KMT2D: variants seen among roughly 807,000 people sequenced by gnomAD.
KMT2D encodes the protein histone-lysine N-methyltransferase 2D.
Under a neutral mutation model 512.7 loss-of-function variants are expected in KMT2D, and 55 were observed. The observed-to-expected ratio is 0.11, with a 90% CI of 0.09 to 0.13. The LOEUF is 0.13. Among genes scored for constraint, KMT2D ranks in the 10% least tolerant of loss-of-function variants. The pLI is 1.00. For synonymous variants in KMT2D, 2,995 were observed against 2,904.0 expected (o/e 1.03, Z -1.01); for missense variants, 6,061 against 7,127.9 (o/e 0.85, Z 5.39).
chr12:49,029,805 C>T (rs887215041), intron 43 of KMT2D, among the ~76,000 whole-genome samples: 1 of 151,934 alleles, frequency 6.6e-6, no homozygotes, highest in African/African-American at 2.4e-5. Flanking sequence ...CATAAGCTAC[C>T]AGGCCTGGTG....
rs1298648758 is a variant in KMT2D, at chr12:49,037,353, G to A, written c.10003C>T (p.Pro3335Ser). 1 of 1,611,548 alleles carries A rather than the reference G, an allele frequency of 6.2e-7. No homozygotes were observed. ...AGGCGTTGCTGGAGGGCATGAGCTG[G>A]TGGCTGGGTGGGCATCAGTGGCTGG... ...LPQPLMPTQP[P>S]AHALQQRLAP... The change falls in exon 35 of 55, where the codon CCA becomes TCA. Residue 3335 changes from proline (P) to serine (S), a missense_variant. Pro to Ser is a moderately conservative substitution (Grantham distance 74). Around this residue, in one of 16 missense-constraint regions of KMT2D, gnomAD observed 533 missense variants for 539.6 expected, o/e 0.99. Transcript: ENST00000301067.
Position 49,050,213 on chromosome 12 carries a change from C to T in KMT2D, c.3375G>A (p.Leu1125=), listed in dbSNP as rs2120647235. The T allele has an allele frequency of 6.2e-7, 1 of 1,613,776 alleles. No individual in the cohort carries two copies. The highest frequency in any genetic ancestry group is 8.5e-7 in the Non-Finnish European group (1 of 1,179,840). Residue 1125 remains leucine, a synonymous_variant, in exon 12 of 55, where the codon CTG becomes CTA. Coordinates refer to ENST00000301067, the MANE Select transcript of KMT2D (RefSeq NM_003482.4). The part of the protein sequence containing the change: ...FSGLGEDTAP[L]DGIDAPGSQP... Reference sequence around the variant, plus strand: ...GTGAACCCGGAGCATCAATCCCATCCAGAGGGGCTGTGTCTTCCCCTAGGC... The same window carrying T: ...GTGAACCCGGAGCATCAATCCCATCTAGAGGGGCTGTGTCTTCCCCTAGGC...
intron 37 of KMT2D, 41 bp from the exon 38 acceptor site, chr12:49,034,517 T>C: frequency 6.2e-7 from 1 of 1,612,512 alleles, no homozygotes. Flanking sequence ...TGTTCCCTGC[T>C]AGGCCCTAAG....
rs2120580805 is a variant in KMT2D, at chr12:49,044,280, T to A, written c.5108A>T (p.Gln1703Leu). ...TTTCGTGCGTGTGTGGGATTTCCGC[T>A]GTCGCACCATGAAACCACCAATGCC... ...RPGIGGFMVR[Q>L]RKSHTRTKKG... The change falls in exon 22 of 55, where the codon CAG (glutamine) becomes CTG (leucine). Residue 1703 changes from glutamine to leucine, a missense_variant. Physicochemically the swap from Gln to Leu is moderately radical, Grantham distance 113. This residue lies in a region of KMT2D where 640 missense variants were observed against 814.3 expected (regional missense o/e 0.79). Transcript: ENST00000301067. This position sits in a 1 kb window ranked among gnomAD's most constrained non-coding sequence, Gnocchi z 6.4. 1 of 1,613,734 alleles carries A rather than the reference T, an allele frequency of 6.2e-7. No homozygotes were observed. Among genetic ancestry groups the A allele is most frequent in the Non-Finnish European group, 8.5e-7 (1 of 1,179,886 alleles).
rs535351117 is a variant in KMT2D at position 49,034,450 on chromosome 12, C to A, written c.10467G>T (p.Gln3489His). The change falls in exon 38 of 55, where the codon CAG becomes CAT. Residue 3489 changes from glutamine to histidine, a missense_variant. By Grantham distance (24) the Gln-to-His change is conservative (BLOSUM62 0). Coordinates refer to ENST00000301067, the MANE Select transcript of KMT2D (RefSeq NM_003482.4). ...GQERSAGDPS[Q>H]PRPNPPTFAQ... ...CAAAAGTGGGCGGGTTGGGACGAGGCTGGGAGGGATCACCAGCACTCCGCT... is the reference window on the plus strand; with the variant it reads ...CAAAAGTGGGCGGGTTGGGACGAGGATGGGAGGGATCACCAGCACTCCGCT... The A allele has an allele frequency of 3.6e-5, 58 of 1,613,832 alleles. No individual in the cohort carries two copies. The South Asian group carries it at 4.6e-4, about 13-fold the overall frequency.
At chr12:49,049,540 G>T in intron 12 of KMT2D, 142 bp downstream of exon 12, 1 of 931,396 alleles carries the variant, frequency 1.1e-6, no homozygotes, top group Non-Finnish European at 1.5e-6. Flanking sequence ...CTACGTATTA[G>T]TATTTTCTCC....
chr12:49,031,514 C>T lies in KMT2D; in HGVS notation c.13191G>A (p.Gly4397=). Residue 4397 remains glycine (G), a synonymous_variant, in exon 40 of 55, where the codon GGG becomes GGA. Coordinates refer to ENST00000301067, the MANE Select transcript of KMT2D (RefSeq NM_003482.4). ...QKPEQSSLVP[G]HLDQVNGQVV... Reference sequence around the variant, plus strand: ...CCTGTCCATTCACCTGGTCCAGATGCCCAGGTACCAGGCTGCTCTGCTCTG... The same window carrying T: ...CCTGTCCATTCACCTGGTCCAGATGTCCAGGTACCAGGCTGCTCTGCTCTG... The T allele has an allele frequency of 6.2e-7, 1 of 1,611,242 alleles. No individual in the cohort carries two copies.
chr12:49,042,698 A>T lies in KMT2D; in HGVS notation c.5782+43T>A, dbSNP rs2120558974. On this transcript the variant is annotated intron_variant, in intron 27 of 54. Transcript: ENST00000301067. The surrounding 1 kb of genome is among the most constrained non-coding windows in gnomAD (Gnocchi z 4.4). ...GAGCAACTGGCCCATCCTGGAGGCAAGCTTGGTTATGTCAGTCTTCAGACC... is the reference window on the plus strand; with the variant it reads ...GAGCAACTGGCCCATCCTGGAGGCATGCTTGGTTATGTCAGTCTTCAGACC... 6.2e-7 allele frequency: 1 copy of T among 1,609,106 alleles called. No individual in the cohort carries two copies.
At position 49,033,823 on chromosome 12, in the gene KMT2D, G is replaced by A. The variant is rs773395827; in HGVS notation, c.10882C>T (p.Leu3628Phe). Residue 3628 changes from leucine to phenylalanine, a missense_variant, in exon 40 of 55, where the codon CTC becomes TTC. Coordinates refer to ENST00000301067, the MANE Select transcript of KMT2D (RefSeq NM_003482.4). ...ALSPSQSPRL[L>F]TKLPGQLLPG... ...AGCAGCTGACCAGGGAGCTTGGTGA[G>A]CAGCCGGGGACTCTGGGAAGGGCTG... 6.3e-7 allele frequency: 1 copy of A among 1,583,802 alleles called. No individual in the cohort carries two copies. The highest frequency in any genetic ancestry group is 8.6e-7 in the Non-Finnish European group (1 of 1,165,470).
rs770863450 is a variant in KMT2D, at chr12:49,050,117, G to C, written c.3471C>G (p.Pro1157=). 3.7e-6 allele frequency: 6 copies of C among 1,613,280 alleles called. No homozygotes were observed. Among genetic ancestry groups the C allele is most frequent in the Admixed American group, 1.7e-5 (1 of 59,996 alleles). The change falls in exon 12 of 55, where the codon CCC becomes CCG. Residue 1157 remains proline, a synonymous_variant. Coordinates refer to ENST00000301067, the MANE Select transcript of KMT2D (RefSeq NM_003482.4). ...TAGGGGTCACAGGGGCCAGCTCCTC[G>C]GGGTCCAGGAGCACAGGGGAGCCTT... ...ELKGSPVLLD[P]EELAPVTPME...
chr12:49,059,051 C>T (rs1938582390), intron 1 of KMT2D, among the ~76,000 whole-genome samples: 4 of 152,200 alleles, frequency 2.6e-5, no homozygotes, highest in Admixed American at 2.6e-4. Context: ...CCCCCTTCAT[C>T]ACAACTAGTC....
chr12:49,037,627 G>A lies in KMT2D; in HGVS notation c.9729C>T (p.Ser3243=), dbSNP rs369959158. 1,221 of 1,565,194 alleles carry A rather than the reference G, an allele frequency of 7.8e-4. 1 individual carries two copies. The highest frequency in any genetic ancestry group is 1.0e-3 in the Non-Finnish European group (1,190 of 1,154,696). Residue 3243 remains serine, a synonymous_variant, in exon 35 of 55, where the codon AGC becomes AGT. Coordinates refer to ENST00000301067, the MANE Select transcript of KMT2D (RefSeq NM_003482.4). ...GGTCCTCAATGAGCAGGGGTAACTC[G>A]CTGGCTACCAGTGAGCTCTCCATCT... ...LDKMESSLVA[S]ELPLLIEDLL... is the part of the protein sequence containing the mutation.
Position 49,050,350 on chromosome 12 carries a change from C to T in KMT2D, c.3238G>A (p.Glu1080Lys), listed in dbSNP as rs762541995. 3 of 1,611,670 alleles carry T rather than the reference C, an allele frequency of 1.9e-6. No individual in the cohort carries two copies. The highest frequency in any genetic ancestry group is 2.5e-6 in the Non-Finnish European group (3 of 1,178,830). The part of the protein sequence containing the change: ...LHEMETEKVS[E>K]PECPALEPSA... ...GGTTCCAAGGCTGGGCATTCAGGTT[C>T]TGAAACTTTCTCAGTCTCCATCTCG... The change falls in exon 12 of 55, where the codon GAA becomes AAA. Residue 1080 changes from glutamate to lysine, a missense_variant. Coordinates refer to ENST00000301067, the MANE Select transcript of KMT2D (RefSeq NM_003482.4).
In KMT2D at chr12:49,039,122, C is replaced by G; in HGVS notation, c.8366+100G>C. The G allele has an allele frequency of 1.9e-6, 3 of 1,547,654 alleles. No individual in the cohort carries two copies. The highest frequency in any genetic ancestry group is 2.7e-6 in the Non-Finnish European group (3 of 1,126,478). On this transcript the variant is annotated intron_variant, in intron 34 of 54. Transcript: ENST00000301067. The surrounding 1 kb of genome is among the most constrained non-coding windows in gnomAD (Gnocchi z 5.0). ...GAATGAGGAAGAAGAGAAAGTGATACTGGAAAAGGATTAGTGATACAGGAA... is the reference window on the plus strand; with the variant it reads ...GAATGAGGAAGAAGAGAAAGTGATAGTGGAAAAGGATTAGTGATACAGGAA...
intron 6 of KMT2D, 62 bp downstream of exon 6, chr12:49,053,916 C>T (rs2120701791): frequency 6.4e-7 from 1 of 1,560,904 alleles, no homozygotes; most frequent in Non-Finnish European, 8.8e-7. Context: ...CTGTAGAGTA[C>T]AAAAATCCAA....
rs1943303625 is a variant in KMT2D, at chr12:49,037,932, C to G, written c.9424G>C (p.Glu3142Gln). ...CQFTIATPKVEPAPAANSLGL... is the reference protein window; with the variant it reads ...CQFTIATPKVQPAPAANSLGL... ...AGGGAATTGGCAGCAGGTGCGGGCT[C>G]TACCTTGGGGGTAGCAATGGTGAAT... Residue 3142 changes from glutamate to glutamine, a missense_variant, in exon 35 of 55, where the codon GAG (glutamate) becomes CAG (glutamine). Glu to Gln is a conservative substitution (Grantham distance 29, BLOSUM62 2). Transcript: ENST00000301067. 1.2e-6 allele frequency: 2 copies of G among 1,604,806 alleles called. No individual in the cohort carries two copies. The highest frequency in any genetic ancestry group is 1.7e-6 in the Non-Finnish European group (2 of 1,175,946).
In KMT2D at chr12:49,054,974, G is replaced by A. The variant is rs985615705; in HGVS notation, c.102C>T (p.Pro34=). 1 of 1,613,988 alleles carries A rather than the reference G, an allele frequency of 6.2e-7. No individual in the cohort carries two copies. Residue 34 remains proline (P), a synonymous_variant, in exon 3 of 55, where the codon CCC becomes CCT. Coordinates refer to ENST00000301067, the MANE Select transcript of KMT2D (RefSeq NM_003482.4). The surrounding 1 kb of genome is among the most constrained non-coding windows in gnomAD (Gnocchi z 6.4). The part of the protein sequence containing the change: ...EDPSATESDL[P]NPHVGEVSVL... ...CAGAGACCTCTCCCACATGTGGGTT[G>A]GGCAGGTCTGACTCAGTGGCACTTG...
At chr12:49,052,464 T>C (rs1339419409) in intron 10 of KMT2D, 40 bp from the exon 11 acceptor site, 3 of 1,549,602 alleles carry the variant, frequency 1.9e-6, no homozygotes, top group Admixed American at 1.8e-5. Flanking sequence ...CTAGCTCAGA[T>C]CTACTCCACA....
Position 49,026,647 on chromosome 12 carries a change from T to C in KMT2D, c.15319A>G (p.Met5107Val). ...AAATGGTAGACATTGGGGCAACGCA[T>C]GCGATTGCAGCTGCTGGTGGCACCA... ...RTGATSSCNR[M>V]RCPNVYHFAC... The change falls in exon 49 of 55, where the codon ATG (methionine) becomes GTG (valine). Residue 5107 changes from methionine (M) to valine (V), a missense_variant. Met to Val is a conservative substitution (Grantham distance 21, BLOSUM62 1). Transcript: ENST00000301067. The surrounding 1 kb of genome is among the most constrained non-coding windows in gnomAD (Gnocchi z 9.6). 1 of 1,614,026 alleles carries C rather than the reference T, an allele frequency of 6.2e-7. No homozygotes were observed. Among genetic ancestry groups the C allele is most frequent in the African/African-American group, 1.3e-5 (1 of 75,070 alleles).
Sources: gnomAD v4.1 joint callset for allele counts (sites outside exome capture counted in the v4.1 genomes callset) on GRCh38, gnomAD v4.1.1 for gene constraint, gnomAD v4.1.1 regional missense constraint, Gnocchi (gnomAD v3.1) non-coding constraint, MANE v1.5 for transcripts, NCBI Gene and HGNC (gene_info 2026-07-23, HGNC 2026-07-21) for gene names.